ICA1L: variants seen among roughly 807,000 people sequenced by gnomAD.
ICA1L encodes the protein islet cell autoantigen 1-like protein.
Under a neutral mutation model 61.3 loss-of-function variants are expected in ICA1L, and 50 were observed. That is an observed-to-expected ratio of 0.82 (90% confidence interval 0.65 to 1.03). The LOEUF (loss-of-function observed/expected upper bound fraction) is 1.03. Ranked by LOEUF, ICA1L falls within the 50% of genes least tolerant of loss-of-function variation. The pLI is 0.00. For missense variants in ICA1L, 508 were observed against 556.7 expected (o/e 0.91, Z 0.88); for synonymous variants, 161 against 191.3 (o/e 0.84, Z 1.31).
At chr2:202,837,038 C>T (rs1444965453) in intron 1 of ICA1L, among the ~76,000 whole-genome samples, 2 of 151,832 alleles carry the variant, frequency 1.3e-5, no homozygotes, top group African/African-American at 4.8e-5. Context: ...GATGGGGTTT[C>T]GCCATGTTGG....
At chr2:202,827,224 T>C (rs1335547548) in intron 2 of ICA1L, among the ~76,000 whole-genome samples, 1 of 152,100 alleles carries the variant, frequency 6.6e-6, no homozygotes, top group Non-Finnish European at 1.5e-5. Flanking sequence ...TGAAACCCTG[T>C]CTCTACTAAA....
At chr2:202,780,063 C>T (rs1013321922) in intron 12 of ICA1L, among the ~76,000 whole-genome samples, 8 of 152,178 alleles carry the variant, frequency 5.3e-5, no homozygotes, top group Admixed American at 3.9e-4. Flanking sequence ...GCAAGCAATA[C>T]TGTGGTCTCC....
chr2:202,853,812 A>AAATAAAATCCTTTACAGAC (rs1261385154), intron 1 of ICA1L, among the ~76,000 whole-genome samples: 2 of 152,188 alleles, frequency 1.3e-5, no homozygotes, highest in Non-Finnish European at 2.9e-5. Context: ...AGCAAAGGAG[A>AAATAAAATCCTTTACAGAC]AATAAAATCC....
At position 202,831,986 on chromosome 2, in the gene ICA1L, C is replaced by T. The variant is rs561160091; in HGVS notation, c.-7-2970G>A. On this transcript the variant is annotated intron_variant, in intron 1 of 12. Coordinates refer to ENST00000358299, the MANE Select transcript of ICA1L (RefSeq NM_001288622.3). ...AAACCCCAAAATTTGTGTATAAAGT[C>T]CTCCCAAGACCTGTGCTAATCACTA... Among the ~76,000 whole-genome samples, 8 of 152,086 alleles carry T rather than the reference C, an allele frequency of 5.3e-5. No individual in the cohort carries two copies. The East Asian group carries it at 1.5e-3, about 29-fold the overall frequency.
chr2:202,773,826 G>A lies in ICA1L; in HGVS notation c.*5707C>T. ...CAGGCTGTAAAAGCAAAGGCTAGCT[G>A]TGCAAGTGCAGCCCTGTGGGAAGTT... On this transcript the variant is annotated 3_prime_UTR_variant, in exon 13 of 13. Coordinates refer to ENST00000358299, the MANE Select transcript of ICA1L (RefSeq NM_001288622.3). The A allele has an allele frequency of 5.8e-6, 8 of 1,379,796 alleles. No individual in the cohort carries two copies. The highest frequency in any genetic ancestry group is 8.3e-6 in the Non-Finnish European group (8 of 969,526). 85.5% of individuals were successfully genotyped at this position (1,379,796 alleles called of 1,614,324 possible).
rs1483152671 is a variant in ICA1L, at chr2:202,773,566, G to A, written c.*5967C>T. On this transcript the variant is annotated 3_prime_UTR_variant, in exon 13 of 13. Transcript: ENST00000358299. ...CGGGCAGAACAAGAGTACAATAAAAGAAGCGTCTGCAACTTAAGCCGTCCA... is the reference window on the plus strand; with the variant it reads ...CGGGCAGAACAAGAGTACAATAAAAAAAGCGTCTGCAACTTAAGCCGTCCA... The A allele has an allele frequency of 2.2e-6, 1 of 449,522 alleles. No homozygotes were observed. The highest frequency in any genetic ancestry group is 3.9e-5 in the Admixed American group (1 of 25,838). The allele number at this position is 449,522 out of a possible 1,614,324, so 27.8% of individuals were successfully genotyped here.
At position 202,817,659 on chromosome 2, in the gene ICA1L, TA is replaced by T. The variant is rs569403873; in HGVS notation, c.559-117del. On this transcript the variant is annotated intron_variant, in intron 5 of 12. Transcript: ENST00000358299. ...AAATATTTTCAGAAATAAATTATAA[TA>T]AAGACTAATTTCTTTTCCCTGTATC... 4.7e-3 allele frequency: 2,376 copies of T among 500,530 alleles called. 7 individuals are homozygous for T. Among genetic ancestry groups the T allele is most frequent in the Non-Finnish European group, 6.5e-3 (2,060 of 316,832 alleles). 31.0% of individuals were successfully genotyped at this position (500,530 alleles called of 1,614,324 possible).
intron 1 of ICA1L, among the ~76,000 whole-genome samples, chr2:202,855,365 G>GT (rs540443506): frequency 4.8e-4 from 73 of 152,192 alleles, no homozygotes; most frequent in African/African-American, 1.6e-3. Flanking sequence ...CCAGGAGCTG[G>GT]TTTTTTAAAA....
In ICA1L at chr2:202,789,009, C is replaced by T. The variant is rs964502928; in HGVS notation, c.1064G>A (p.Ser355Asn). The change falls in exon 11 of 13, where the codon AGT (serine) becomes AAT (asparagine). Residue 355 changes from serine (S) to asparagine (N), a missense_variant. By Grantham distance (46) the Ser-to-Asn change is conservative. Coordinates refer to ENST00000358299, the MANE Select transcript of ICA1L (RefSeq NM_001288622.3). ...TTCACTAGTACTTGAAGAACCAGAA[C>T]TTAGGAGGTTGTTCAGAAATGAGAA... ...KEFSFLNNLL[S>N]SGSSSTSEFT... 6.2e-7 allele frequency: 1 copy of T among 1,613,668 alleles called. No individual in the cohort carries two copies. Among genetic ancestry groups the T allele is most frequent in the Non-Finnish European group, 8.5e-7 (1 of 1,179,690 alleles).
intron 2 of ICA1L, among the ~76,000 whole-genome samples, chr2:202,826,372 T>C (rs1446332784): frequency 2.6e-5 from 4 of 152,286 alleles, no homozygotes; most frequent in African/African-American, 9.6e-5. Context: ...ACGTGAAAAT[T>C]TGAGATGAGG....
rs147874784 is a variant in ICA1L at position 202,835,324 on chromosome 2, G to A, written c.-7-6308C>T. The stretch of plus-strand genomic sequence containing the variant: ...AAATTCAAACAATTCTCCTGCCTCA[G>A]TCTCCTGAGTAGCTGGGATTACAGG... On this transcript the variant is annotated intron_variant, in intron 1 of 12. Coordinates refer to ENST00000358299, the MANE Select transcript of ICA1L (RefSeq NM_001288622.3). Among the ~76,000 whole-genome samples, 176 of 147,958 alleles carry A rather than the reference G, an allele frequency of 1.2e-3. 3 individuals are homozygous for A. The East Asian group carries it at 0.033, about 28-fold the overall frequency.
intron 1 of ICA1L, among the ~76,000 whole-genome samples, chr2:202,868,084 T>C (rs896086420): frequency 2.6e-5 from 4 of 152,130 alleles, no homozygotes; most frequent in African/African-American, 7.2e-5. Flanking sequence ...TAGAGAGAAC[T>C]GGTGATCTCA....
intron 6 of ICA1L, 140 bp downstream of exon 6, chr2:202,817,278 T>C: frequency 1.5e-6 from 1 of 685,966 alleles, no homozygotes; most frequent in Non-Finnish European, 2.2e-6. Context: ...TTTTTGACTC[T>C]CTGACTTTCA....
chr2:202,785,038 T>A (rs566454844), intron 12 of ICA1L, among the ~76,000 whole-genome samples: 3 of 151,786 alleles, frequency 2.0e-5, no homozygotes, highest in Non-Finnish European at 4.4e-5. Flanking sequence ...GGTAGCATAG[T>A]GAAACCCTGT....
chr2:202,836,808 TA>T (rs1181919707), intron 1 of ICA1L, among the ~76,000 whole-genome samples: 1 of 59,778 alleles, frequency 1.7e-5, no homozygotes, highest in Non-Finnish European at 5.2e-5. Flanking sequence ...TATATATAGA[TA>T]TATATAGATA....
chr2:202,791,782 T>A (rs558504101), intron 10 of ICA1L, among the ~76,000 whole-genome samples: 18 of 152,040 alleles, frequency 1.2e-4, no homozygotes, highest in African/African-American at 4.3e-4. Flanking sequence ...GAGGTGGAGG[T>A]TGCAGTGAGC....
intron 9 of ICA1L, among the ~76,000 whole-genome samples, chr2:202,802,720 G>C (rs1475452762): frequency 6.6e-6 from 1 of 151,886 alleles, no homozygotes; most frequent in Non-Finnish European, 1.5e-5. Flanking sequence ...CTGAAATATA[G>C]AAAGAAATAG....
At chr2:202,863,863 A>G (rs1206290616) in intron 1 of ICA1L, among the ~76,000 whole-genome samples, 2 of 151,954 alleles carry the variant, frequency 1.3e-5, no homozygotes, top group Non-Finnish European at 2.9e-5. Context: ...GAACGTCACT[A>G]TAGATCCTAC....
At chr2:202,868,993 C>A (rs1349936718) in intron 1 of ICA1L, among the ~76,000 whole-genome samples, 3 of 151,384 alleles carry the variant, frequency 2.0e-5, no homozygotes, top group African/African-American at 7.3e-5. Flanking sequence ...ACAACAACAA[C>A]AACAAAAAAC....
Sources: allele counts gnomAD v4.1 joint callset (sites outside exome capture counted in the v4.1 genomes callset), GRCh38; gene constraint gnomAD v4.1.1; transcripts MANE v1.5; gene names NCBI Gene and HGNC (gene_info 2026-07-23, HGNC 2026-07-21).